Variants in MYPOP observed in about 807,000 individuals in gnomAD.
MYPOP encodes Myb related transcription factor, partner of profilin.
MYPOP carries 21 observed loss-of-function variants against 25.7 expected under a neutral mutation model. The ratio of observed to expected loss-of-function variants is 0.82; its 90% CI spans 0.58 to 1.18. The LOEUF is 1.18. MYPOP is among the 50% of genes most tolerant of loss of function. The pLI, the probability that MYPOP is intolerant of heterozygous loss-of-function variation, is 0.00. For synonymous variants in MYPOP, 280 were observed against 247.9 expected (o/e 1.13, Z -1.22); for missense variants, 566 against 588.3 (o/e 0.96, Z 0.39).
At chr19:45,894,392 C>T (rs1052363161) in intron 2 of MYPOP, among the ~76,000 whole-genome samples, 1 of 151,840 alleles carries the variant, frequency 6.6e-6, no homozygotes, top group Admixed American at 6.6e-5. Context: ...GGATTATAGG[C>T]GTGAGCCACC....
intron 2 of MYPOP, 35 bp from the exon 3 acceptor site, chr19:45,891,358 A>C: frequency 2.1e-6 from 3 of 1,413,256 alleles, no homozygotes; most frequent in Non-Finnish European, 1.8e-6. Context: ...GGGGTGAGCG[A>C]CCCTCGATGC....
intron 2 of MYPOP, among the ~76,000 whole-genome samples, chr19:45,896,005 A>G (rs1003438397): frequency 5.9e-5 from 9 of 152,034 alleles, no homozygotes; most frequent in Non-Finnish European, 1.3e-4. Context: ...AAAACCAACC[A>G]TCCAGGCCGG....
chr19:45,899,132 A>G (rs1967251188), intron 2 of MYPOP, among the ~76,000 whole-genome samples: 1 of 152,218 alleles, frequency 6.6e-6, no homozygotes, highest in Non-Finnish European at 1.5e-5. Context: ...AGGATGAGGC[A>G]GGAGAATTGC....
At position 45,894,487 on chromosome 19, in the gene MYPOP, C is replaced by T. The variant is rs181815121; in HGVS notation, c.500-3164G>A. On this transcript the variant is annotated intron_variant, in intron 2 of 2. Transcript: ENST00000322217. ...GGAGTGCAAAGGTGAGATCTCGGCT[C>T]ACTGCATCCTTAATCTCCCCAGCTT... Among the ~76,000 whole-genome samples the T allele has an allele frequency of 2.1e-3, 313 of 151,312 alleles. 2 individuals carry two copies. The highest frequency in any genetic ancestry group is 7.4e-3 in the African/African-American group (303 of 41,192).
chr19:45,894,951 C>T (rs1218106430), intron 2 of MYPOP, among the ~76,000 whole-genome samples: 1 of 151,892 alleles, frequency 6.6e-6, no homozygotes, highest in Non-Finnish European at 1.5e-5. Flanking sequence ...CTCTTGACCT[C>T]GTGATCCACC....
Position 45,901,558 on chromosome 19 carries a change from C to T in MYPOP, c.216G>A (p.Thr72=), listed in dbSNP as rs1196253637. 3.1e-6 allele frequency: 5 copies of T among 1,612,124 alleles called. No homozygotes were observed. The highest frequency in any genetic ancestry group is 2.2e-5 in the East Asian group (1 of 44,868). Residue 72 remains threonine (T), a synonymous_variant, in exon 2 of 3, where the codon ACG becomes ACA. Transcript: ENST00000322217. The surrounding 1 kb of genome is among the most constrained non-coding windows in gnomAD (Gnocchi z 5.7). Reference sequence around the variant, plus strand: ...TCCAGCGCTTCTGCACCTCCTGGCCCGTGCGCTTCCAGCTGGTGATACCGT... The same window carrying T: ...TCCAGCGCTTCTGCACCTCCTGGCCTGTGCGCTTCCAGCTGGTGATACCGT... ...KINGITSWKR[T]GQEVQKRWND...
intron 2 of MYPOP, 92 bp from the exon 3 acceptor site, chr19:45,891,415 C>T: frequency 1.5e-6 from 2 of 1,378,584 alleles, no homozygotes; most frequent in Non-Finnish European, 1.9e-6. Flanking sequence ...TCCCCCCTAC[C>T]CGAACCCAGA....
chr19:45,901,655 T>C lies in MYPOP; in HGVS notation c.119A>G (p.Tyr40Cys). 3.7e-6 allele frequency: 6 copies of C among 1,610,190 alleles called. No individual in the cohort carries two copies. The highest frequency in any genetic ancestry group is 5.1e-6 in the Non-Finnish European group (6 of 1,179,136). Residue 40 changes from tyrosine to cysteine, a missense_variant, in exon 2 of 3, where the codon TAC becomes TGC. Tyr to Cys is a radical substitution (Grantham distance 194, BLOSUM62 -2). Coordinates refer to ENST00000322217, the MANE Select transcript of MYPOP (RefSeq NM_001012643.4). The surrounding 1 kb of genome is among the most constrained non-coding windows in gnomAD (Gnocchi z 5.7). ...GCTCACCCGACGGCTCTGCGCGCCG[T>C]AGAGCTGCGGGTAGTGGGCGCGCAC... ...REVRAHYPQLYGAQSRRVSVA... is the reference protein window; with the variant it reads ...REVRAHYPQLCGAQSRRVSVA...
Position 45,890,449 on chromosome 19 carries a change from G to C in MYPOP, c.*174C>G. ...TGTACCAGAGAAAGGGGTTGGGGGG[G>C]CCCATTACTGAGGCCCCCCCCAGAG... On this transcript the variant is annotated 3_prime_UTR_variant, in exon 3 of 3. Transcript: ENST00000322217. 2 of 1,047,428 alleles carry C rather than the reference G, an allele frequency of 1.9e-6. No individual in the cohort carries two copies. The highest frequency in any genetic ancestry group is 1.8e-5 in the South Asian group (1 of 56,882). The allele number at this position is 1,047,428 out of a possible 1,614,324, so 64.9% of individuals were successfully genotyped here. A position where few individuals can be genotyped will look rare whatever the true frequency, so the allele number is the denominator to read the frequency against.
At chr19:45,894,938 G>A (rs1191728065) in intron 2 of MYPOP, among the ~76,000 whole-genome samples, 1 of 151,702 alleles carries the variant, frequency 6.6e-6, no homozygotes, top group Non-Finnish European at 1.5e-5. Flanking sequence ...AGATGGTCTC[G>A]ATCTCTTGAC....
Position 45,901,428 on chromosome 19 carries a change from T to G in MYPOP, c.346A>C (p.Ile116Leu). Residue 116 changes from isoleucine (I) to leucine (L), a missense_variant, in exon 2 of 3, where the codon ATT becomes CTT. Transcript: ENST00000322217. The surrounding 1 kb of genome is among the most constrained non-coding windows in gnomAD (Gnocchi z 5.7). Reference protein sequence around the residue: ...EDAFSAEEETIFAILGPGVAA... With the variant: ...EDAFSAEEETLFAILGPGVAA... ...ACACCTGGCCCCAGGATGGCAAAAA[T>G]GGTCTCCTCTTCCGCGGAGAAAGCG... The G allele has an allele frequency of 3.2e-6, 5 of 1,576,898 alleles. No individual in the cohort carries two copies. Among genetic ancestry groups the G allele is most frequent in the Non-Finnish European group, 4.3e-6 (5 of 1,161,622 alleles).
intron 2 of MYPOP, among the ~76,000 whole-genome samples, chr19:45,891,646 C>T (rs1967128002): frequency 1.3e-5 from 2 of 152,178 alleles, no homozygotes; most frequent in Non-Finnish European, 2.9e-5. Context: ...CCATGTTGGC[C>T]AGGCTGGTCT....
chr19:45,898,474 C>T (rs975650549), intron 2 of MYPOP, among the ~76,000 whole-genome samples: 1 of 151,882 alleles, frequency 6.6e-6, no homozygotes, highest in Non-Finnish European at 1.5e-5. Context: ...CAGGCATGCG[C>T]CACCACGCGT....
Position 45,890,242 on chromosome 19 carries a change from T to G in MYPOP, c.*381A>C. The G allele has an allele frequency of 5.4e-6, 1 of 184,900 alleles. No individual in the cohort carries two copies. The highest frequency in any genetic ancestry group is 1.1e-5 in the Non-Finnish European group (1 of 89,184). The allele number at this position is 184,900 out of a possible 1,614,324, so 11.5% of individuals were successfully genotyped here. A position where few individuals can be genotyped will look rare whatever the true frequency, so the allele number is the denominator to read the frequency against. ...ACTCCCACCCGCTCCAAAGTCTGGG[T>G]TGGGGAGGTGGGGAGTCCCCCACGG... On this transcript the variant is annotated 3_prime_UTR_variant, in exon 3 of 3. Coordinates refer to ENST00000322217, the MANE Select transcript of MYPOP (RefSeq NM_001012643.4).
At chr19:45,891,661 C>G (rs1040785132) in intron 2 of MYPOP, among the ~76,000 whole-genome samples, 1 of 152,174 alleles carries the variant, frequency 6.6e-6, no homozygotes, top group Non-Finnish European at 1.5e-5. Context: ...TGGTCTCGGA[C>G]TCCTGACCTC....
intron 2 of MYPOP, among the ~76,000 whole-genome samples, chr19:45,894,078 C>G (rs532979862): frequency 1.3e-5 from 2 of 150,586 alleles, no homozygotes; most frequent in African/African-American, 4.9e-5. Flanking sequence ...CATGAGCCAC[C>G]GCGCCTGATC....
At chr19:45,900,613 C>T (rs1222580629) in intron 2 of MYPOP, among the ~76,000 whole-genome samples, 2 of 152,032 alleles carry the variant, frequency 1.3e-5, no homozygotes, top group Non-Finnish European at 2.9e-5. Context: ...GGGGCAGGTG[C>T]TCAGGGAACG....
In MYPOP at chr19:45,890,959, G is replaced by T; in HGVS notation, c.864C>A (p.Ser288Arg). The change falls in exon 3 of 3, where the codon AGC becomes AGA. Residue 288 changes from serine to arginine, a missense_variant. By Grantham distance (110) the Ser-to-Arg change is moderately radical. Coordinates refer to ENST00000322217, the MANE Select transcript of MYPOP (RefSeq NM_001012643.4). ...GGGGCAGCAGAGCGCTGAGGGCCTC[G>T]CTCAGTTTGGCCAGTCCCTGTCGAA... ...GTLRQGLAKL[S>R]EALSALLPLL... 6.8e-7 allele frequency: 1 copy of T among 1,478,150 alleles called. No individual in the cohort carries two copies. The allele number at this position is 1,478,150 out of a possible 1,614,324, so 91.6% of individuals were successfully genotyped here. A position where few individuals can be genotyped will look rare whatever the true frequency, so the allele number is the denominator to read the frequency against.
intron 2 of MYPOP, among the ~76,000 whole-genome samples, chr19:45,896,577 C>A (rs1967207564): frequency 6.6e-6 from 1 of 151,200 alleles, no homozygotes; most frequent in African/African-American, 2.4e-5. Flanking sequence ...GAGTGATATG[C>A]AGAAAAGGGA....
Sources: gnomAD v4.1 joint callset for allele counts (sites outside exome capture counted in the v4.1 genomes callset) on GRCh38, gnomAD v4.1.1 for gene constraint, Gnocchi (gnomAD v3.1) non-coding constraint, MANE v1.5 for transcripts, NCBI Gene and HGNC (gene_info 2026-07-23, HGNC 2026-07-21) for gene names.